The following ZNF804A variants were observed in gnomAD, a reference collection of about 807,000 sequenced individuals.
ZNF804A encodes the protein zinc finger protein 804A.
ZNF804A carries 2 observed loss-of-function variants against 16.5 expected under a neutral mutation model. The ratio of observed to expected loss-of-function variants is 0.12; its 90% confidence interval spans 0.05 to 0.38. The LOEUF (loss-of-function observed/expected upper bound fraction) is 0.38. Ranked by LOEUF, ZNF804A falls within the 10% of genes least tolerant of loss-of-function variation. ZNF804A has a pLI of 0.99. For synonymous variants in ZNF804A, 534 were observed against 489.6 expected (o/e 1.09, Z -1.20); for missense variants, 1,473 against 1,390.7 (o/e 1.06, Z -0.94).
chr2:184,836,777 C>T (rs1237603041), intron 1 of ZNF804A, among the ~76,000 whole-genome samples: 1 of 151,676 alleles, frequency 6.6e-6, no homozygotes, highest in Non-Finnish European at 1.5e-5. Flanking sequence ...TATTCTTAAT[C>T]TCTCTTTATA....
intron 1 of ZNF804A, among the ~76,000 whole-genome samples, chr2:184,616,569 T>C (rs1691324062): frequency 1.3e-5 from 2 of 152,128 alleles, no homozygotes; most frequent in African/African-American, 4.8e-5. Flanking sequence ...TAAATGGACA[T>C]GTGTTTATCA....
At chr2:184,624,875 T>C (rs1234041450) in intron 1 of ZNF804A, among the ~76,000 whole-genome samples, 1 of 152,176 alleles carries the variant, frequency 6.6e-6, no homozygotes, top group Non-Finnish European at 1.5e-5. Context: ...TTTGAAAATA[T>C]ATCACTTTGT....
chr2:184,913,159 G>T (rs1291568959), intron 2 of ZNF804A, among the ~76,000 whole-genome samples: 1 of 152,006 alleles, frequency 6.6e-6, no homozygotes, highest in East Asian at 1.9e-4. Flanking sequence ...AGCTTAACTT[G>T]TATTCCAAAA....
At chr2:184,889,783 CAT>C (rs1684953186) in intron 2 of ZNF804A, among the ~76,000 whole-genome samples, 1 of 151,968 alleles carries the variant, frequency 6.6e-6, no homozygotes, top group African/African-American at 2.4e-5. Flanking sequence ...GGTACCTAAA[CAT>C]ACACCAGAAA....
chr2:184,656,553 A>C (rs1264754499), intron 1 of ZNF804A, among the ~76,000 whole-genome samples: 4 of 152,144 alleles, frequency 2.6e-5, no homozygotes, highest in African/African-American at 9.7e-5. Flanking sequence ...CTACATTTAT[A>C]GTTAATTAAC....
intron 1 of ZNF804A, among the ~76,000 whole-genome samples, chr2:184,624,251 TAAAATGGTA>T (rs1398595196): frequency 5.9e-5 from 9 of 152,148 alleles, no homozygotes; most frequent in Admixed American, 2.6e-4. Context: ...GTTATACACT[TAAAATGGTA>T]AAAATGGTAA....
chr2:184,655,867 C>T lies in ZNF804A; in HGVS notation c.111+56797C>T, dbSNP rs1335851681. ...TTAGCGGTGGATGGCAACCATTGGT[C>T]TATGGAGTATTTGAAAATGAAATTT... On this transcript the variant is annotated intron_variant, in intron 1 of 3. Transcript: ENST00000302277. Among the ~76,000 whole-genome samples, 17 of 151,804 alleles carry T rather than the reference C, an allele frequency of 1.1e-4. No individual in the cohort carries two copies. The East Asian group carries it at 2.9e-3, about 26-fold the overall frequency.
intron 2 of ZNF804A, among the ~76,000 whole-genome samples, chr2:184,915,009 T>C (rs945897694): frequency 7.9e-5 from 12 of 151,752 alleles, no homozygotes; most frequent in Non-Finnish European, 1.8e-4. Flanking sequence ...ATAATTGGAG[T>C]AGTCATGCAG....
intron 1 of ZNF804A, among the ~76,000 whole-genome samples, chr2:184,703,559 G>A (rs1014885969): frequency 6.6e-5 from 10 of 151,604 alleles, no homozygotes; most frequent in African/African-American, 1.2e-4. Flanking sequence ...GCGTGGTGGC[G>A]GGCGCCTGTA....
chr2:184,600,482 G>A (rs1691027271), intron 1 of ZNF804A, among the ~76,000 whole-genome samples: 1 of 152,180 alleles, frequency 6.6e-6, no homozygotes, highest in South Asian at 2.1e-4. Flanking sequence ...AAGAGCAGTA[G>A]CCAAAGGCTA....
Position 184,938,637 on chromosome 2 carries a change from C to G in ZNF804A, c.3241C>G (p.Leu1081Val), listed in dbSNP as rs3731834. The stretch of plus-strand genomic sequence containing the variant: ...TGCCCTCCCACCCCCTAGCACACCT[C>G]TGCAGCCTTTGCCTTTGCAGCAGTC... Reference protein sequence around the residue: ...PAALPPPSTPLQPLPLQQSLC... With the variant: ...PAALPPPSTPVQPLPLQQSLC... The change falls in exon 4 of 4, where the codon CTG becomes GTG. Residue 1081 changes from leucine (L) to valine (V), a missense_variant. Leu to Val is a conservative substitution (Grantham distance 32). Transcript: ENST00000302277. The G allele has an allele frequency of 0.17, 276,949 of 1,613,834 alleles. 25,456 individuals carry two copies. The highest frequency in any genetic ancestry group is 0.27 in the South Asian group (25,004 of 91,066).
chr2:184,842,200 C>A (rs1322988718), intron 1 of ZNF804A, among the ~76,000 whole-genome samples: 2 of 152,128 alleles, frequency 1.3e-5, no homozygotes, highest in African/African-American at 4.8e-5. Flanking sequence ...GCTGTGCTAA[C>A]AATGTGTCAA....
chr2:184,870,856 A>G (rs1695963948), intron 2 of ZNF804A, among the ~76,000 whole-genome samples: 1 of 151,948 alleles, frequency 6.6e-6, no homozygotes, highest in Admixed American at 6.6e-5. Context: ...GAACATTCAT[A>G]AATGTCCATC....
At chr2:184,785,422 C>T (rs563138437) in intron 1 of ZNF804A, among the ~76,000 whole-genome samples, 1 of 151,950 alleles carries the variant, frequency 6.6e-6, no homozygotes, top group Non-Finnish European at 1.5e-5. Context: ...CCATGAATAA[C>T]TATTAATTTT....
chr2:184,758,860 A>G (rs1693998861), intron 1 of ZNF804A, among the ~76,000 whole-genome samples: 1 of 151,984 alleles, frequency 6.6e-6, no homozygotes, highest in Non-Finnish European at 1.5e-5. Flanking sequence ...TCACAAAGTT[A>G]AAAATACTAA....
chr2:184,812,877 G>A (rs536887654), intron 1 of ZNF804A, among the ~76,000 whole-genome samples: 1 of 152,126 alleles, frequency 6.6e-6, no homozygotes, highest in South Asian at 2.1e-4. Context: ...ACATTGGTGA[G>A]AGTAAAGAAT....
At chr2:184,625,218 G>T (rs1691477628) in intron 1 of ZNF804A, among the ~76,000 whole-genome samples, 1 of 152,090 alleles carries the variant, frequency 6.6e-6, no homozygotes, top group Non-Finnish European at 1.5e-5. Context: ...AATGCAGCAT[G>T]TGACAGATAT....
chr2:184,755,585 A>T lies in ZNF804A; in HGVS notation c.112-110784A>T, dbSNP rs140508301. On this transcript the variant is annotated intron_variant, in intron 1 of 3. Coordinates refer to ENST00000302277, the MANE Select transcript of ZNF804A (RefSeq NM_194250.2). ...GAGTTTTAGAACGCAATAAAAATGG[A>T]TTCTTTACTTTCATTGTGTTGAGAT... Among the ~76,000 whole-genome samples, 1,380 of 152,060 alleles carry T rather than the reference A, an allele frequency of 9.1e-3. 23 individuals carry two copies. Among genetic ancestry groups the T allele is most frequent in the African/African-American group, 0.032 (1,320 of 41,532 alleles).
chr2:184,672,055 G>A (rs984784863), intron 1 of ZNF804A, among the ~76,000 whole-genome samples: 5 of 152,172 alleles, frequency 3.3e-5, no homozygotes, highest in African/African-American at 1.2e-4. Flanking sequence ...CTGCACCTGT[G>A]AGCTGTGTGT....
Sources: allele counts gnomAD v4.1 joint callset (sites outside exome capture counted in the v4.1 genomes callset), GRCh38; gene constraint gnomAD v4.1.1; transcripts MANE v1.5; gene names NCBI Gene and HGNC (gene_info 2026-07-23, HGNC 2026-07-21).